The following KCNQ3 variants were observed in gnomAD, a reference collection of about 807,000 sequenced individuals.
KCNQ3 encodes potassium voltage-gated channel subfamily KQT member 3.
Under a neutral mutation model 92.5 loss-of-function variants are expected in KCNQ3, and 30 were observed. That is an observed-to-expected ratio of 0.32 (90% CI 0.24 to 0.44). The LOEUF (loss-of-function observed/expected upper bound fraction) is 0.44. Among genes scored for constraint, KCNQ3 ranks in the 20% least tolerant of loss-of-function variants. The probability of loss-of-function intolerance (pLI) is 1.00; values close to 1 mark genes in which losing one functional copy is unlikely to be tolerated. For missense variants in KCNQ3, 913 were observed against 1,140.3 expected (o/e 0.80, Z 2.87); for synonymous variants, 450 against 468.8 (o/e 0.96, Z 0.52).
intron 8 of KCNQ3, among the ~76,000 whole-genome samples, chr8:132,166,694 T>C (rs532198710): frequency 1.3e-5 from 2 of 151,970 alleles, no homozygotes; most frequent in African/African-American, 4.8e-5. Flanking sequence ...ATAAAAAAAA[T>C]AAGAACAGAC....
chr8:132,281,217 T>C (rs1055267986), intron 1 of KCNQ3, among the ~76,000 whole-genome samples: 5 of 152,154 alleles, frequency 3.3e-5, no homozygotes, highest in South Asian at 4.1e-4. Flanking sequence ...ATACGACTAA[T>C]ACCATGTGCC....
chr8:132,328,433 G>A (rs1318662788), intron 1 of KCNQ3, among the ~76,000 whole-genome samples: 3 of 152,166 alleles, frequency 2.0e-5, no homozygotes, highest in Non-Finnish European at 2.9e-5. Flanking sequence ...AGATGGTGAG[G>A]TGGCTATAGG....
At chr8:132,230,449 C>CAGAGAGAGAGAG (rs5895132) in intron 1 of KCNQ3, among the ~76,000 whole-genome samples, 1 of 142,362 alleles carries the variant, frequency 7.0e-6, no homozygotes, top group South Asian at 2.3e-4. Flanking sequence ...GAGAGAGAGA[C>CAGAGAGAGAGAG]AGAGAGAGAG....
Position 132,220,422 on chromosome 8 carries a change from G to A in KCNQ3, c.387-34241C>T, listed in dbSNP as rs1416863146. Among the ~76,000 whole-genome samples, 4 of 152,282 alleles carry A rather than the reference G, an allele frequency of 2.6e-5. No individual in the cohort carries two copies. In the South Asian group the frequency reaches 8.3e-4, roughly 32 times the overall value. ...GATCAAAATTAGTATATTGAGCCTC[G>A]AGCTGATGGACTTTTTCCCAAATAA... On this transcript the variant is annotated intron_variant, in intron 1 of 14. Transcript: ENST00000388996.
At chr8:132,339,355 C>T (rs899859132) in intron 1 of KCNQ3, among the ~76,000 whole-genome samples, 5 of 152,070 alleles carry the variant, frequency 3.3e-5, no homozygotes, top group African/African-American at 9.7e-5. Context: ...CTAGAGGACC[C>T]CCTCACCCTT....
At chr8:132,338,960 A>C (rs536179672) in intron 1 of KCNQ3, among the ~76,000 whole-genome samples, 18 of 152,146 alleles carry the variant, frequency 1.2e-4, no homozygotes, top group Non-Finnish European at 2.5e-4. Flanking sequence ...CTCAGGAGAA[A>C]CCAGTGTTGA....
chr8:132,233,318 T>C (rs1814701158), intron 1 of KCNQ3, among the ~76,000 whole-genome samples: 1 of 152,226 alleles, frequency 6.6e-6, no homozygotes, highest in Non-Finnish European at 1.5e-5. Context: ...AATCTTCTTT[T>C]CTGTTTTTAT....
At chr8:132,224,380 C>T (rs1056313654) in intron 1 of KCNQ3, among the ~76,000 whole-genome samples, 4 of 152,040 alleles carry the variant, frequency 2.6e-5, no homozygotes. Flanking sequence ...TTGATTAACT[C>T]AGGCTCATTC....
chr8:132,176,054 G>A (rs976647660), intron 4 of KCNQ3, among the ~76,000 whole-genome samples: 1 of 152,108 alleles, frequency 6.6e-6, no homozygotes, highest in African/African-American at 2.4e-5. Context: ...TTTATGGTGT[G>A]GCCTTGGGCA....
chr8:132,480,341 G>T lies in KCNQ3; in HGVS notation c.192C>A (p.Asp64Glu). ...CGCCGCCCTCCAGCAGCAGGGTCCC[G>T]TCTTTGTCGGCTCCGGCCCCGAGCG... ...TLALGAGADK[D>E]GTLLLEGGGR... is the part of the protein sequence containing the mutation. Residue 64 changes from aspartate (D) to glutamate (E), a missense_variant, in exon 1 of 15, where the codon GAC becomes GAA. Asp to Glu is a conservative substitution (Grantham distance 45). Coordinates refer to ENST00000388996, the MANE Select transcript of KCNQ3 (RefSeq NM_004519.4). 1.3e-6 allele frequency: 2 copies of T among 1,597,238 alleles called. No individual in the cohort carries two copies. Among genetic ancestry groups the T allele is most frequent in the Non-Finnish European group, 1.7e-6 (2 of 1,175,070 alleles).
At chr8:132,335,964 C>G (rs1818358745) in intron 1 of KCNQ3, among the ~76,000 whole-genome samples, 1 of 152,196 alleles carries the variant, frequency 6.6e-6, no homozygotes, top group Non-Finnish European at 1.5e-5. Flanking sequence ...TTTCTTCCTT[C>G]CCTCTGCAGC....
chr8:132,354,221 A>G (rs373431958), intron 1 of KCNQ3, among the ~76,000 whole-genome samples: 6 of 152,190 alleles, frequency 3.9e-5, no homozygotes, highest in African/African-American at 1.4e-4. Context: ...GTGTGCTCTC[A>G]TGGGATGGAA....
chr8:132,332,184 C>A (rs1818251151), intron 1 of KCNQ3, among the ~76,000 whole-genome samples: 1 of 152,160 alleles, frequency 6.6e-6, no homozygotes. Flanking sequence ...ATGAGGCAGC[C>A]CATGGAGAGG....
intron 11 of KCNQ3, among the ~76,000 whole-genome samples, chr8:132,139,824 G>A (rs1168652678): frequency 6.6e-6 from 1 of 152,124 alleles, no homozygotes; most frequent in African/African-American, 2.4e-5. Flanking sequence ...AATACTGTCA[G>A]GAGGGCTGTG....
chr8:132,470,285 T>C (rs1159418072), intron 1 of KCNQ3, among the ~76,000 whole-genome samples: 2 of 152,228 alleles, frequency 1.3e-5, no homozygotes, highest in African/African-American at 4.8e-5. Context: ...TGTTTGTGTG[T>C]GTTGAGTCTT....
intron 1 of KCNQ3, among the ~76,000 whole-genome samples, chr8:132,191,374 T>C (rs1827153603): frequency 6.6e-6 from 1 of 152,020 alleles, no homozygotes; most frequent in Non-Finnish European, 1.5e-5. Flanking sequence ...CCCAGGCTGG[T>C]CTTGAACGCC....
chr8:132,134,487 G>T, intron 12 of KCNQ3, 99 bp from the exon 13 acceptor site: 6 of 813,708 alleles, frequency 7.4e-6, no homozygotes, highest in Non-Finnish European at 1.2e-5. Flanking sequence ...TAAGGGTTTG[G>T]AATATATAAG....
At chr8:132,148,668 A>G (rs1427865785) in intron 9 of KCNQ3, among the ~76,000 whole-genome samples, 1 of 152,226 alleles carries the variant, frequency 6.6e-6, no homozygotes, top group Non-Finnish European at 1.5e-5. Flanking sequence ...ACCAATGTGG[A>G]TGGACGTCAT....
At chr8:132,187,495 C>A (rs1256080030) in intron 1 of KCNQ3, among the ~76,000 whole-genome samples, 1 of 152,230 alleles carries the variant, frequency 6.6e-6, no homozygotes, top group African/African-American at 2.4e-5. Flanking sequence ...TGTCTCCAAT[C>A]ATGCCCAGGA....
Sources: gnomAD v4.1 joint callset for allele counts (sites outside exome capture counted in the v4.1 genomes callset) on GRCh38, gnomAD v4.1.1 for gene constraint, MANE v1.5 for transcripts, NCBI Gene and HGNC (gene_info 2026-07-23, HGNC 2026-07-21) for gene names.